Variants in ITGAE observed in about 807,000 individuals in gnomAD.
ITGAE encodes the protein integrin alpha-E.
ITGAE carries 99 observed loss-of-function variants against 136.5 expected under a neutral mutation model. The observed-to-expected ratio is 0.73, with a 90% CI of 0.62 to 0.86. The LOEUF is 0.86. Ranked by LOEUF, ITGAE falls within the 40% of genes least tolerant of loss-of-function variation. The pLI is 0.00. For synonymous variants in ITGAE, 613 were observed against 591.8 expected, an observed-to-expected ratio of 1.04 and a Z score of -0.52; for missense variants, 1,447 against 1,515.3, an observed-to-expected ratio of 0.95 and a Z score of 0.75.
chr17:3,791,994 A>T (rs2052950006), intron 1 of ITGAE, among the ~76,000 whole-genome samples: 1 of 152,182 alleles, frequency 6.6e-6, no homozygotes, highest in African/African-American at 2.4e-5. Flanking sequence ...TCAACCTTCC[A>T]GACTTGAGGA....
intron 2 of ITGAE, among the ~76,000 whole-genome samples, chr17:3,770,154 CTG>C (rs2052386531): frequency 6.8e-6 from 1 of 147,338 alleles, no homozygotes; most frequent in Non-Finnish European, 1.5e-5. Flanking sequence ...GAGTCTCACT[CTG>C]TCGCCCAGGC....
chr17:3,759,711 G>A (rs1203850627), intron 7 of ITGAE, among the ~76,000 whole-genome samples, 158 bp from the exon 8 acceptor site: 1 of 152,228 alleles, frequency 6.6e-6, no homozygotes, highest in African/African-American at 2.4e-5. Context: ...GCGAGTAGGG[G>A]TGGAGAAGGG....
chr17:3,796,002 C>T (rs986408296), intron 1 of ITGAE, among the ~76,000 whole-genome samples: 14 of 65,776 alleles, frequency 2.1e-4, no homozygotes, highest in African/African-American at 3.9e-4. Context: ...TGTGTGCATC[C>T]GTGTGTGCAT....
chr17:3,733,733 A>G (rs748146013), intron 21 of ITGAE, among the ~76,000 whole-genome samples: 6 of 152,210 alleles, frequency 3.9e-5, no homozygotes, highest in Non-Finnish European at 7.3e-5. Context: ...AAACTACACT[A>G]TTGTGTGTAT....
chr17:3,794,282 T>A (rs528352618), intron 1 of ITGAE, among the ~76,000 whole-genome samples: 1 of 151,840 alleles, frequency 6.6e-6, no homozygotes, highest in Non-Finnish European at 1.5e-5. Context: ...TGGCCTCTAA[T>A]TTTTTTTTAA....
chr17:3,759,256 G>A (rs943514805), intron 8 of ITGAE, 146 bp downstream of exon 8: 10 of 871,532 alleles, frequency 1.1e-5, no homozygotes, highest in Non-Finnish European at 1.6e-5. Context: ...GCCTTGAGGT[G>A]TCATCCCTCA....
chr17:3,755,979 T>C lies in ITGAE; in HGVS notation c.1172-82A>G. ...AGTCAGGGGACAGTCCAGCTTGGCC[T>C]CACTCCCAGAAGGAACCATGCTTGG... is the stretch of plus-strand genomic sequence containing the variant. On this transcript the variant is annotated intron_variant, in intron 10 of 30. Coordinates refer to ENST00000263087, the MANE Select transcript of ITGAE (RefSeq NM_002208.5). 2.9e-6 allele frequency: 4 copies of C among 1,359,742 alleles called. No homozygotes were observed. In the Admixed American group the frequency reaches 7.9e-5, roughly 27 times the overall value. 84.2% of individuals were successfully genotyped at this position (1,359,742 alleles called of 1,614,324 possible). A position where few individuals can be genotyped will look rare whatever the true frequency, so the allele number is the denominator to read the frequency against.
rs761858240 is a variant in ITGAE, at chr17:3,739,816, G to A, written c.2511C>T (p.Thr837=). The change falls in exon 20 of 31, where the codon ACC becomes ACT. Residue 837 remains threonine, a synonymous_variant. Coordinates refer to ENST00000263087, the MANE Select transcript of ITGAE (RefSeq NM_002208.5). ...LFCVAELQLA[T]TVSQQELVVG... ...TATGTCCAACTCACTGAGAGACGGT[G>A]GTGGCCAACTGTAATTCTGCGACAC... The A allele has an allele frequency of 5.6e-6, 9 of 1,614,062 alleles. No homozygotes were observed. The highest frequency in any genetic ancestry group is 6.8e-6 in the Non-Finnish European group (8 of 1,179,894).
chr17:3,728,096 A>T lies in ITGAE; in HGVS notation c.2976+9T>A, dbSNP rs142310128. The T allele has an allele frequency of 2.4e-3, 3,895 of 1,609,134 alleles. 6 individuals carry two copies. Among genetic ancestry groups the T allele is most frequent in the Non-Finnish European group, 2.7e-3 (3,188 of 1,175,412 alleles). On this transcript the variant is annotated intron_variant, in intron 25 of 30. Transcript: ENST00000263087. ...TGCCATCTACAGCTTTACAATAATA[A>T]GTACTTACATGGAAGAGGAATTCTT...
At chr17:3,765,152 A>T (rs2052265164) in intron 2 of ITGAE, among the ~76,000 whole-genome samples, 1 of 151,836 alleles carries the variant, frequency 6.6e-6, no homozygotes, top group African/African-American at 2.4e-5. Flanking sequence ...GATCGAGACC[A>T]TCCTGGCTAA....
chr17:3,775,707 T>C (rs1469171430), intron 2 of ITGAE, among the ~76,000 whole-genome samples: 3 of 151,720 alleles, frequency 2.0e-5, no homozygotes, highest in Admixed American at 2.0e-4. Context: ...TGACCTCAGG[T>C]GATCCACCGG....
At chr17:3,797,229 A>G (rs187341028) in intron 1 of ITGAE, among the ~76,000 whole-genome samples, 184 of 138,876 alleles carry the variant, frequency 1.3e-3, no homozygotes, top group African/African-American at 1.7e-3. Flanking sequence ...GCAGTGGCGC[A>G]ATCTCGGCTC....
rs184176635 is a variant in ITGAE at position 3,765,247 on chromosome 17, C to A, written c.156-1287G>T. 2.7e-5 allele frequency among the ~76,000 whole-genome samples: 4 copies of A among 146,182 alleles called. No homozygotes were observed. In the East Asian group the frequency reaches 8.1e-4, roughly 30 times the overall value. ...GCCTGTAGTCCCAGCTACTCGGGAG[C>A]CTGAGGCAGGAGAATGGTGTGAACC... On this transcript the variant is annotated intron_variant, in intron 2 of 30. Transcript: ENST00000263087.
At chr17:3,753,759 G>A in intron 13 of ITGAE, 24 bp downstream of exon 13, 1 of 1,613,602 alleles carries the variant, frequency 6.2e-7, no homozygotes, top group Admixed American at 1.7e-5. Flanking sequence ...GTCATAAGGG[G>A]TGGAGGCTTT....
intron 28 of ITGAE, 38 bp downstream of exon 28, chr17:3,723,250 C>A: frequency 7.5e-7 from 1 of 1,340,340 alleles, no homozygotes; most frequent in Non-Finnish European, 1.1e-6. Context: ...CCGTGAGCAA[C>A]TGGATAATCA....
At chr17:3,734,572 TTC>T (rs1182546776) in intron 21 of ITGAE, among the ~76,000 whole-genome samples, 2 of 152,212 alleles carry the variant, frequency 1.3e-5, no homozygotes, top group Non-Finnish European at 2.9e-5. Context: ...TTAGACTCAC[TTC>T]TCTCTCAGAA....
rs746100009 is a variant in ITGAE at position 3,728,100 on chromosome 17, C to T, written c.2976+5G>A. On this transcript the variant is annotated splice_donor_5th_base_variant and intron_variant, in intron 25 of 30. Transcript: ENST00000263087. ...ATCTACAGCTTTACAATAATAAGTA[C>T]TTACATGGAAGAGGAATTCTTTGTG... 3.1e-6 allele frequency: 5 copies of T among 1,610,258 alleles called. No homozygotes were observed. Among genetic ancestry groups the T allele is most frequent in the Non-Finnish European group, 4.3e-6 (5 of 1,176,438 alleles).
At chr17:3,790,789 G>C (rs989369725) in intron 1 of ITGAE, among the ~76,000 whole-genome samples, 1 of 152,124 alleles carries the variant, frequency 6.6e-6, no homozygotes, top group Admixed American at 6.5e-5. Flanking sequence ...CACTCCAGAC[G>C]GAGAGCCACA....
At chr17:3,753,988 C>A in intron 12 of ITGAE, 63 bp from the exon 13 acceptor site, 2 of 1,569,504 alleles carry the variant, frequency 1.3e-6, no homozygotes, top group South Asian at 1.1e-5. Context: ...CTCTCTTGGC[C>A]CCGGCACCTT....
Sources: allele counts gnomAD v4.1 joint callset (sites outside exome capture counted in the v4.1 genomes callset), GRCh38; gene constraint gnomAD v4.1.1; transcripts MANE v1.5; gene names NCBI Gene and HGNC (gene_info 2026-07-23, HGNC 2026-07-21).